Variants in ELP4 observed in about 807,000 individuals in gnomAD.
ELP4 encodes the protein elongator complex protein 4.
ELP4 carries 51 observed loss-of-function variants against 48.9 expected under a neutral mutation model. That is an observed-to-expected ratio of 1.04 (90% CI 0.83 to 1.32). The LOEUF (loss-of-function observed/expected upper bound fraction) is 1.32. Ranked by LOEUF, ELP4 falls within the 40% of genes most tolerant of loss-of-function variation. The pLI is 0.00. For synonymous variants in ELP4, 210 were observed against 189.2 expected, an observed-to-expected ratio of 1.11 and a Z score of -0.90; for missense variants, 519 against 514.6, an observed-to-expected ratio of 1.01 and a Z score of -0.08.
rs1292921754 is a variant in ELP4 at position 31,668,690 on chromosome 11, G to A, written c.1143+18469G>A. On this transcript the variant is annotated intron_variant, in intron 9 of 9. Coordinates refer to ENST00000640961, the MANE Select transcript of ELP4 (RefSeq NM_019040.5). The stretch of plus-strand genomic sequence containing the variant: ...CCTTTGGTACCGTGTGTGTGTGTGT[G>A]TGTGTGTGTGTGTGTGTGTGTGTGT... Among the ~76,000 whole-genome samples the A allele has an allele frequency of 5.1e-5, 7 of 138,064 alleles. 1 individual carries two copies. The South Asian group carries it at 7.4e-4, about 15-fold the overall frequency. 90.6% of individuals were successfully genotyped at this position (138,064 alleles called of 152,430 possible). A position where few individuals can be genotyped will look rare whatever the true frequency, so the allele number is the denominator to read the frequency against.
intron 9 of ELP4, among the ~76,000 whole-genome samples, chr11:31,675,121 A>C (rs1328541046): frequency 6.6e-6 from 1 of 152,186 alleles, no homozygotes; most frequent in Non-Finnish European, 1.5e-5. Context: ...TAGCATATAC[A>C]TTCTTAGCAT....
chr11:31,710,347 G>A (rs575479163), intron 9 of ELP4, among the ~76,000 whole-genome samples: 1 of 152,264 alleles, frequency 6.6e-6, no homozygotes, highest in African/African-American at 2.4e-5. Context: ...AATAAGGGCC[G>A]GGCATGGTGG....
At chr11:31,558,417 T>C (rs1327104434) in intron 3 of ELP4, among the ~76,000 whole-genome samples, 1 of 152,178 alleles carries the variant, frequency 6.6e-6, no homozygotes, top group Non-Finnish European at 1.5e-5. Flanking sequence ...GTGAGAACCA[T>C]TGCTGCTATA....
chr11:31,790,096 A>AG lies in ELP4; in HGVS notation c.*6572_*6573insG. ...ACATGGAATACAAATTTATAGGTTTACAAAAAAAAAAAAAAAAAAAAAAAC... is the reference window on the plus strand; with the variant it reads ...ACATGGAATACAAATTTATAGGTTTAGCAAAAAAAAAAAAAAAAAAAAAAAC... On this transcript the variant is annotated 3_prime_UTR_variant, in exon 10 of 10. Coordinates refer to ENST00000640961, the MANE Select transcript of ELP4 (RefSeq NM_019040.5). 4 of 531,192 alleles carry AG rather than the reference A, an allele frequency of 7.5e-6. No homozygotes were observed. The highest frequency in any genetic ancestry group is 2.0e-5 in the South Asian group (1 of 49,202). The allele number at this position is 531,192 out of a possible 1,614,324, so 32.9% of individuals were successfully genotyped here.
chr11:31,611,891 T>C (rs1957987017), intron 5 of ELP4, among the ~76,000 whole-genome samples: 1 of 152,224 alleles, frequency 6.6e-6, no homozygotes, highest in African/African-American at 2.4e-5. Context: ...TACCTTGAGT[T>C]GTGTTCACTC....
At chr11:31,691,405 T>G (rs1217429204) in intron 9 of ELP4, among the ~76,000 whole-genome samples, 2 of 152,118 alleles carry the variant, frequency 1.3e-5, no homozygotes, top group African/African-American at 4.8e-5. Flanking sequence ...GAGGTTGTGA[T>G]GAAAGGTATC....
chr11:31,545,385 C>T (rs952446391), intron 3 of ELP4, among the ~76,000 whole-genome samples: 2 of 151,688 alleles, frequency 1.3e-5, no homozygotes, highest in African/African-American at 4.9e-5. Context: ...AGGGTATCAG[C>T]GATGGAAGAT....
intron 3 of ELP4, among the ~76,000 whole-genome samples, chr11:31,584,447 G>T (rs1957440104): frequency 6.6e-6 from 1 of 151,890 alleles, no homozygotes; most frequent in South Asian, 2.1e-4. Flanking sequence ...ATATATAAAG[G>T]CAGGAAAATA....
intron 2 of ELP4, among the ~76,000 whole-genome samples, chr11:31,531,530 A>G (rs1003747640): frequency 6.6e-6 from 1 of 152,214 alleles, no homozygotes; most frequent in African/African-American, 2.4e-5. Context: ...GAAGGAGGTG[A>G]GCAAATTAGT....
At chr11:31,632,484 G>T in intron 7 of ELP4, 79 bp downstream of exon 7, 1 of 1,133,572 alleles carries the variant, frequency 8.8e-7, no homozygotes, top group East Asian at 2.5e-5. Context: ...GCATTTCCAT[G>T]ATAACTAATG....
intron 9 of ELP4, among the ~76,000 whole-genome samples, chr11:31,740,340 G>A (rs1947417106): frequency 6.6e-6 from 1 of 152,200 alleles, no homozygotes; most frequent in South Asian, 2.1e-4. Context: ...ATTTAAGAAG[G>A]TGAGAAGTAC....
chr11:31,562,400 T>C (rs191956481), intron 3 of ELP4, among the ~76,000 whole-genome samples: 29 of 152,280 alleles, frequency 1.9e-4, no homozygotes, highest in African/African-American at 7.0e-4. Flanking sequence ...AAAGAAATAT[T>C]ATCTAGTCTT....
At chr11:31,711,879 A>G (rs148662938) in intron 9 of ELP4, among the ~76,000 whole-genome samples, 2,781 of 152,276 alleles carry the variant, frequency 0.018, 42 homozygotes, top group Non-Finnish European at 0.028. Context: ...TTAATGATGC[A>G]GCTGATGAAA....
intron 9 of ELP4, among the ~76,000 whole-genome samples, chr11:31,680,045 C>G (rs1946024095): frequency 6.6e-6 from 1 of 152,018 alleles, no homozygotes; most frequent in South Asian, 2.1e-4. Context: ...TAGGCTTTTA[C>G]TTGGGTAAGT....
chr11:31,677,959 TG>T (rs1470982015), intron 9 of ELP4, among the ~76,000 whole-genome samples: 1 of 152,182 alleles, frequency 6.6e-6, no homozygotes, highest in Admixed American at 6.5e-5. Flanking sequence ...CAGTATCATA[TG>T]GAATTGTGAA....
rs183422989 is a variant in ELP4 at position 31,769,744 on chromosome 11, G to T, written c.1144-13649G>T. 4.4e-3 allele frequency among the ~76,000 whole-genome samples: 666 copies of T among 152,074 alleles called. 4 individuals carry two copies. Among genetic ancestry groups the T allele is most frequent in the African/African-American group, 0.015 (640 of 41,476 alleles). ...TCTAGTAAACAAACAGAAAGATATT[G>T]TTACCTTTTACCACTTCTAGAGTAG... On this transcript the variant is annotated intron_variant, in intron 9 of 9. Coordinates refer to ENST00000640961, the MANE Select transcript of ELP4 (RefSeq NM_019040.5).
chr11:31,682,555 G>T (rs1946075655), intron 9 of ELP4, among the ~76,000 whole-genome samples: 1 of 152,048 alleles, frequency 6.6e-6, no homozygotes. Flanking sequence ...TCATTGTTCA[G>T]TTCCCTCATT....
chr11:31,594,115 C>G (rs994790478), intron 3 of ELP4, among the ~76,000 whole-genome samples: 1 of 152,080 alleles, frequency 6.6e-6, no homozygotes, highest in Non-Finnish European at 1.5e-5. Context: ...TGAATTCTTT[C>G]TATAGTACCG....
intron 3 of ELP4, among the ~76,000 whole-genome samples, chr11:31,542,317 C>CA (rs1956605410): frequency 1.3e-5 from 2 of 152,114 alleles, no homozygotes; most frequent in African/African-American, 4.8e-5. Context: ...ATTTATAAAT[C>CA]AGAGTACCTG....
Sources: allele counts gnomAD v4.1 joint callset (sites outside exome capture counted in the v4.1 genomes callset), GRCh38; gene constraint gnomAD v4.1.1; transcripts MANE v1.5; gene names NCBI Gene and HGNC (gene_info 2026-07-23, HGNC 2026-07-21).